The following TLE1 variants were observed in gnomAD, a reference collection of about 807,000 sequenced individuals.
The protein encoded by TLE1 is TLE family member 1, transcriptional corepressor, also known as transducin-like enhancer protein 1.
A neutral mutation model predicts 89.8 loss-of-function variants in TLE1; 21 were observed. The observed-to-expected ratio is 0.23, with a 90% CI of 0.17 to 0.34. TLE1 has a LOEUF of 0.34. TLE1 is among the 10% of genes least tolerant of loss of function. The pLI, the probability that TLE1 is intolerant of heterozygous loss-of-function variation, is 1.00. For synonymous variants in TLE1, 447 were observed against 407.6 expected, an observed-to-expected ratio of 1.10 and a Z score of -1.16; for missense variants, 795 against 1,031.2, an observed-to-expected ratio of 0.77 and a Z score of 3.14.
chr9:81,620,843 C>T, intron 8 of TLE1: 1 of 975,968 alleles, frequency 1.0e-6, no homozygotes, highest in Non-Finnish European at 1.5e-6. Context: ...TAGGAGCTTG[C>T]TGTGTTGTAT....
rs548190067 is a variant in TLE1, at chr9:81,660,934, A to AACACACACACAC, written c.235-6910_235-6899dup. 4.4e-3 allele frequency among the ~76,000 whole-genome samples: 387 copies of AACACACACACAC among 88,848 alleles called. 10 individuals are homozygous for AACACACACACAC. The highest frequency in any genetic ancestry group is 0.012 in the African/African-American group (278 of 23,426). 58.3% of individuals were successfully genotyped at this position (88,848 alleles called of 152,430 possible). On this transcript the variant is annotated intron_variant, in intron 4 of 19. Transcript: ENST00000376499. ...ACACGGTGAAACCCCATCCCTACTAAACACACACACACACACACACACACA... is the reference window on the plus strand; with the variant it reads ...ACACGGTGAAACCCCATCCCTACTAAACACACACACACACACACACACACACACACACACACA...
At chr9:81,641,184 T>G (rs1417015413) in intron 6 of TLE1, among the ~76,000 whole-genome samples, 1 of 151,764 alleles carries the variant, frequency 6.6e-6, no homozygotes, top group Admixed American at 6.6e-5. Flanking sequence ...AAACACTCAA[T>G]TCCTATCTTG....
At chr9:81,678,887 T>C (rs890855026) in intron 4 of TLE1, among the ~76,000 whole-genome samples, 8 of 152,094 alleles carry the variant, frequency 5.3e-5, no homozygotes, top group African/African-American at 1.7e-4. Flanking sequence ...ACACCTGTAA[T>C]GCCAACACTT....
intron 14 of TLE1, among the ~76,000 whole-genome samples, chr9:81,596,793 G>A (rs755308347): frequency 5.9e-5 from 9 of 152,174 alleles, no homozygotes; most frequent in Non-Finnish European, 1.0e-4. Flanking sequence ...GGCATGGGAG[G>A]GGTTTCTGGG....
Position 81,640,994 on chromosome 9 carries a change from C to G in TLE1, c.373-6693G>C, listed in dbSNP as rs549372980. On this transcript the variant is annotated intron_variant, in intron 6 of 19. Coordinates refer to ENST00000376499, the MANE Select transcript of TLE1 (RefSeq NM_005077.5). ...ATAAAAATCACAGACTTAACCCAAC[C>G]CAAACTAAAACCATGCCCCTAAGTG... Among the ~76,000 whole-genome samples, 3 of 152,260 alleles carry G rather than the reference C, an allele frequency of 2.0e-5. 1 individual carries two copies. The highest frequency in any genetic ancestry group is 2.1e-4 in the South Asian group (1 of 4,814).
At chr9:81,627,642 A>G (rs1457506731) in intron 8 of TLE1, among the ~76,000 whole-genome samples, 1 of 152,200 alleles carries the variant, frequency 6.6e-6, no homozygotes, top group South Asian at 2.1e-4. Flanking sequence ...CATTGTGCCC[A>G]AAAATTGAAA....
At chr9:81,593,416 A>C in intron 14 of TLE1, 142 bp from the exon 15 acceptor site, 1 of 1,194,762 alleles carries the variant, frequency 8.4e-7, no homozygotes, top group East Asian at 2.6e-5. Context: ...ATCAATACAA[A>C]TTGAAGCATT....
intron 4 of TLE1, among the ~76,000 whole-genome samples, chr9:81,674,479 C>A (rs540780040): frequency 1.7e-3 from 261 of 150,852 alleles, no homozygotes; most frequent in Non-Finnish European, 3.0e-3. Flanking sequence ...TACCCCCTTA[C>A]CACCCAAGGT....
chr9:81,634,380 T>C, intron 6 of TLE1, 79 bp from the exon 7 acceptor site: 8 of 1,242,012 alleles, frequency 6.4e-6, no homozygotes, highest in Non-Finnish European at 8.6e-6. Flanking sequence ...GGAGGCGGCA[T>C]CCAGGGGAAA....
At position 81,630,772 on chromosome 9, in the gene TLE1, A is replaced by G. The variant is rs189088811; in HGVS notation, c.594+2576T>C. On this transcript the variant is annotated intron_variant, in intron 8 of 19. Coordinates refer to ENST00000376499, the MANE Select transcript of TLE1 (RefSeq NM_005077.5). ...CTTTATTAAATAGATAAGTACTATA[A>G]TATTTTAGGCACTAATAGTACACAT... is the stretch of plus-strand genomic sequence containing the variant. Among the ~76,000 whole-genome samples the G allele has an allele frequency of 4.6e-5, 7 of 152,330 alleles. No homozygotes were observed. The East Asian group carries it at 1.4e-3, about 29-fold the overall frequency.
rs537539431 is a variant in TLE1 at position 81,601,323 on chromosome 9, T to C, written c.1332-8049A>G. On this transcript the variant is annotated intron_variant, in intron 14 of 19. Transcript: ENST00000376499. The stretch of plus-strand genomic sequence containing the variant: ...TGCAAGTGTTTTCCTATGAGGCAAT[T>C]TTACCCCAAACGTAGTTAAGATTTT... 9.2e-5 allele frequency among the ~76,000 whole-genome samples: 14 copies of C among 152,310 alleles called. No individual in the cohort carries two copies. In the South Asian group the frequency reaches 2.9e-3, roughly 32 times the overall value.
At chr9:81,587,097 A>G (rs1444378183) in intron 17 of TLE1, among the ~76,000 whole-genome samples, 1 of 152,214 alleles carries the variant, frequency 6.6e-6, no homozygotes, top group East Asian at 1.9e-4. Flanking sequence ...CACAATCTAC[A>G]AAGTTGCCAT....
chr9:81,658,806 A>C (rs1369466247), intron 4 of TLE1, among the ~76,000 whole-genome samples: 1 of 152,180 alleles, frequency 6.6e-6, no homozygotes, highest in Admixed American at 6.5e-5. Flanking sequence ...AATTCTTAGT[A>C]TTATCTCTTG....
chr9:81,632,473 C>T (rs376118714), intron 8 of TLE1, among the ~76,000 whole-genome samples: 1 of 49,928 alleles, frequency 2.0e-5, no homozygotes, highest in South Asian at 1.5e-3. Context: ...TGTTCAGTAT[C>T]CCTTTTTTTT....
intron 4 of TLE1, among the ~76,000 whole-genome samples, chr9:81,680,791 T>C (rs147555006): frequency 6.6e-6 from 1 of 152,244 alleles, no homozygotes; most frequent in East Asian, 1.9e-4. Flanking sequence ...ACCCTCTTTG[T>C]ATGACAAGAT....
rs34947337 is a variant in TLE1, at chr9:81,615,081, CAAAAAAAAAAAAAAAAAAAAA to C, written c.918+880_918+900del. 9.7e-3 allele frequency among the ~76,000 whole-genome samples: 243 copies of C among 25,106 alleles called. 2 individuals carry two copies. The highest frequency in any genetic ancestry group is 0.056 in the Middle Eastern group (1 of 18). The allele number at this position is 25,106 out of a possible 152,430, so 16.5% of individuals were successfully genotyped here. Reference sequence around the variant, plus strand: ...TGGGTGACAGAGTGAGACTCCATCTCAAAAAAAAAAAAAAAAAAAAAAAAAAAAAAAAAAAAAAAAGAAGAA... The same window carrying C: ...TGGGTGACAGAGTGAGACTCCATCTCAAAAAAAAAAAAAAAAAAAGAAGAA... On this transcript the variant is annotated intron_variant, in intron 11 of 19. Transcript: ENST00000376499.
chr9:81,614,490 G>A (rs757250664), intron 11 of TLE1, among the ~76,000 whole-genome samples: 8 of 152,114 alleles, frequency 5.3e-5, no homozygotes, highest in Non-Finnish European at 8.8e-5. Context: ...AACCTTTCAT[G>A]TGCTTTACAA....
At chr9:81,610,955 G>A (rs1291247455) in intron 13 of TLE1, among the ~76,000 whole-genome samples, 1 of 152,140 alleles carries the variant, frequency 6.6e-6, no homozygotes, top group African/African-American at 2.4e-5. Flanking sequence ...CCACTGCACA[G>A]CCTCTCCTAC....
chr9:81,620,390 C>T, intron 9 of TLE1, 51 bp downstream of exon 9: 6 of 1,349,882 alleles, frequency 4.4e-6, no homozygotes, highest in Non-Finnish European at 6.3e-6. Flanking sequence ...CTTGGATACT[C>T]AGGTGAGCAG....
Sources: gnomAD v4.1 joint callset for allele counts (sites outside exome capture counted in the v4.1 genomes callset) on GRCh38, gnomAD v4.1.1 for gene constraint, MANE v1.5 for transcripts, NCBI Gene and HGNC (gene_info 2026-07-23, HGNC 2026-07-21) for gene names.